The following SLC6A19 variants were observed in gnomAD, a reference collection of about 807,000 sequenced individuals.
SLC6A19 encodes sodium-dependent neutral amino acid transporter B(0)AT1.
Under a neutral mutation model 68.3 loss-of-function variants are expected in SLC6A19, and 67 were observed. The observed-to-expected ratio is 0.98, with a 90% confidence interval of 0.81 to 1.20. SLC6A19 has a LOEUF of 1.20. Among genes scored for constraint, SLC6A19 ranks in the 50% most tolerant of loss-of-function variants. The pLI, the probability that SLC6A19 is intolerant of heterozygous loss-of-function variation, is 0.00. For missense variants in SLC6A19, 813 were observed against 851.6 expected, an observed-to-expected ratio of 0.95 and a Z score of 0.56; for synonymous variants, 392 against 374.9, an observed-to-expected ratio of 1.05 and a Z score of -0.53.
At chr5:1,204,352 G>A (rs768197340) in intron 1 of SLC6A19, among the ~76,000 whole-genome samples, 7 of 152,224 alleles carry the variant, frequency 4.6e-5, no homozygotes, top group Non-Finnish European at 7.3e-5. Flanking sequence ...CACCTGAGCC[G>A]TCTCAAGGGC....
chr5:1,221,074 T>G, intron 10 of SLC6A19, 77 bp from the exon 11 acceptor site: 1 of 1,549,978 alleles, frequency 6.5e-7, no homozygotes, highest in Admixed American at 1.9e-5. Flanking sequence ...TCTGTTCGGG[T>G]AGCAGAACGT....
intron 1 of SLC6A19, among the ~76,000 whole-genome samples, chr5:1,205,479 C>A (rs1745828112): frequency 6.6e-6 from 1 of 152,148 alleles, no homozygotes; most frequent in Admixed American, 6.5e-5. Flanking sequence ...TGAGCCTGAG[C>A]CCCAGGGGTT....
chr5:1,212,169 C>A lies in SLC6A19; in HGVS notation c.482-134C>A. 1 of 1,026,944 alleles carries A rather than the reference C, an allele frequency of 9.7e-7. No individual in the cohort carries two copies. Among genetic ancestry groups the A allele is most frequent in the Non-Finnish European group, 1.5e-6 (1 of 673,848 alleles). 63.6% of individuals were successfully genotyped at this position (1,026,944 alleles called of 1,614,324 possible). A position where few individuals can be genotyped will look rare whatever the true frequency, so the allele number is the denominator to read the frequency against. On this transcript the variant is annotated intron_variant, in intron 3 of 11. Coordinates refer to ENST00000304460, the MANE Select transcript of SLC6A19 (RefSeq NM_001003841.3). This position sits in a 1 kb window ranked among gnomAD's most constrained non-coding sequence, Gnocchi z 5.1. ...GCACGTGAGCATGTGTGCCTGTGTT[C>A]ATGTGCACGTGTGGGCGTGTCACTG...
rs1745712963 is a variant in SLC6A19, at chr5:1,201,829, A to G, written c.179A>G (p.Tyr60Cys). Reference sequence around the variant, plus strand: ...CTCGGCAACGTGTGGCGCTTCCCCTACCTGTGTCAGAGCCACGGAGGAGGT... The same window carrying G: ...CTCGGCAACGTGTGGCGCTTCCCCTGCCTGTGTCAGAGCCACGGAGGAGGT... ...VGLGNVWRFP[Y>C]LCQSHGGGAF... The change falls in exon 1 of 12, where the codon TAC (tyrosine) becomes TGC (cysteine). Residue 60 changes from tyrosine (Y) to cysteine (C), a missense_variant. Coordinates refer to ENST00000304460, the MANE Select transcript of SLC6A19 (RefSeq NM_001003841.3). 1.2e-6 allele frequency: 2 copies of G among 1,611,336 alleles called. No homozygotes were observed. Among genetic ancestry groups the G allele is most frequent in the African/African-American group, 1.3e-5 (1 of 74,864 alleles).
At chr5:1,211,674 A>G (rs1746032306) in intron 3 of SLC6A19, among the ~76,000 whole-genome samples, 1 of 151,626 alleles carries the variant, frequency 6.6e-6, no homozygotes, top group South Asian at 2.1e-4. Context: ...GCACGTGAGC[A>G]TGTGTGCTGT....
chr5:1,204,036 C>T (rs1269908800), intron 1 of SLC6A19, among the ~76,000 whole-genome samples: 3 of 152,146 alleles, frequency 2.0e-5, no homozygotes, highest in African/African-American at 4.8e-5. Context: ...AGACAGCGCA[C>T]TCTCTCTCTG....
rs750676077 is a variant in SLC6A19, at chr5:1,212,279, G to A, written c.482-24G>A. 8.1e-6 allele frequency: 13 copies of A among 1,612,298 alleles called. No homozygotes were observed. The highest frequency in any genetic ancestry group is 1.1e-5 in the Non-Finnish European group (13 of 1,179,894). On this transcript the variant is annotated intron_variant, in intron 3 of 11. Transcript: ENST00000304460. The surrounding 1 kb of genome is among the most constrained non-coding windows in gnomAD (Gnocchi z 5.1). ...TCCCTTGGGGGACCCGTACCCTGAGGTGTGTGAATGGCCCTCTCCCCAGGG... is the reference window on the plus strand; with the variant it reads ...TCCCTTGGGGGACCCGTACCCTGAGATGTGTGAATGGCCCTCTCCCCAGGG...
At chr5:1,221,024 GGC>G in intron 10 of SLC6A19, 125 bp from the exon 11 acceptor site, 1 of 1,193,220 alleles carries the variant, frequency 8.4e-7, no homozygotes. Flanking sequence ...GGAGGGATCG[GGC>G]CCTGGCAAGG....
In SLC6A19 at chr5:1,214,339, C is replaced by T. The variant is rs953593691; in HGVS notation, c.887+274C>T. Among the ~76,000 whole-genome samples the T allele has an allele frequency of 6.6e-6, 1 of 152,154 alleles. No homozygotes were observed. Among genetic ancestry groups the T allele is most frequent in the African/African-American group, 2.4e-5 (1 of 41,446 alleles). The stretch of plus-strand genomic sequence containing the variant: ...TCCACGAGCCTGGTGCAGACCCCTC[C>T]TGTGCTCTCCCCAGTTCCCTGCTCC... On this transcript the variant is annotated intron_variant, in intron 6 of 11. Transcript: ENST00000304460. This position sits in a 1 kb window ranked among gnomAD's most constrained non-coding sequence, Gnocchi z 7.4.
chr5:1,202,128 G>T (rs769515595), intron 1 of SLC6A19, among the ~76,000 whole-genome samples: 2 of 152,210 alleles, frequency 1.3e-5, no homozygotes, highest in African/African-American at 4.8e-5. Context: ...GTCCTGGAAC[G>T]TTCTGGCCTG....
At chr5:1,217,381 C>T (rs1012161846) in intron 8 of SLC6A19, among the ~76,000 whole-genome samples, 9 of 152,238 alleles carry the variant, frequency 5.9e-5, no homozygotes, top group Admixed American at 4.6e-4. Flanking sequence ...ACGCTGATGT[C>T]GAGGATACTC....
intron 3 of SLC6A19, among the ~76,000 whole-genome samples, chr5:1,211,969 GT>G (rs1746048888): frequency 1.1e-5 from 1 of 94,346 alleles, no homozygotes; most frequent in African/African-American, 6.0e-5. Context: ...CTGTGTGCAT[GT>G]GTGTGTGTTG....
Position 1,216,724 on chromosome 5 carries a change from C to T in SLC6A19, c.1016+38C>T, listed in dbSNP as rs72709426. ...CCCACCATCCTGGTGCCTTGGGCTG[C>T]GCCTCCAGGAAGCCTCCCAGCCTCC... is the stretch of plus-strand genomic sequence containing the variant. On this transcript the variant is annotated intron_variant, in intron 7 of 11. Transcript: ENST00000304460. 588 of 1,613,616 alleles carry T rather than the reference C, an allele frequency of 3.6e-4. 2 individuals are homozygous for T. The highest frequency in any genetic ancestry group is 3.2e-3 in the African/African-American group (243 of 75,080).
Position 1,210,554 on chromosome 5 carries a change from G to T in SLC6A19, c.454G>T (p.Asp152Tyr). 3.1e-6 allele frequency: 5 copies of T among 1,613,100 alleles called. No homozygotes were observed. Among genetic ancestry groups the T allele is most frequent in the East Asian group, 4.5e-5 (2 of 44,882 alleles). ...CTTCCAGGAGCCTCTGCCCTGGAGC[G>T]ACTGCCCGCTCAACGAGAACCAGAC... Reference protein sequence around the residue: ...NSFQEPLPWSDCPLNENQTGY... With the variant: ...NSFQEPLPWSYCPLNENQTGY... The change falls in exon 3 of 12, where the codon GAC becomes TAC. Residue 152 changes from aspartate to tyrosine, a missense_variant. Physicochemically the swap from Asp to Tyr is radical, Grantham distance 160. Transcript: ENST00000304460.
rs143099885 is a variant in SLC6A19, at chr5:1,213,557, T to C, written c.758T>C (p.Phe253Ser). 1.2e-5 allele frequency: 20 copies of C among 1,611,742 alleles called. No individual in the cohort carries two copies. The highest frequency in any genetic ancestry group is 1.7e-5 in the Non-Finnish European group (20 of 1,179,508). ...AAGGGCGCCACCAATGGCATCGTCT[T>C]CCTCTTCACGCCCAACGTAAGTCCC... ...TLKGATNGIV[F>S]LFTPNVTELA... The change falls in exon 5 of 12, where the codon TTC becomes TCC. Residue 253 changes from phenylalanine (F) to serine (S), a missense_variant. By Grantham distance (155) the Phe-to-Ser change is radical (BLOSUM62 -2). Transcript: ENST00000304460.
intron 3 of SLC6A19, among the ~76,000 whole-genome samples, chr5:1,211,145 G>A (rs1176668897): frequency 2.6e-5 from 4 of 152,240 alleles, no homozygotes; most frequent in African/African-American, 9.6e-5. Context: ...GACCAGCACA[G>A]CGGGGCCAGC....
Position 1,222,176 on chromosome 5 carries a change from G to T in SLC6A19, c.*272G>T. ...TGTATGTGCATGTGCCATGTGTGCAGATGTGTCATGTTGTGTGTGTGCATG... is the reference window on the plus strand; with the variant it reads ...TGTATGTGCATGTGCCATGTGTGCATATGTGTCATGTTGTGTGTGTGCATG... On this transcript the variant is annotated 3_prime_UTR_variant, in exon 12 of 12. Transcript: ENST00000304460. 3.4e-6 allele frequency: 2 copies of T among 596,886 alleles called. No individual in the cohort carries two copies. Among genetic ancestry groups the T allele is most frequent in the South Asian group, 4.0e-5 (2 of 49,860 alleles). 37.0% of individuals were successfully genotyped at this position (596,886 alleles called of 1,614,324 possible). A position where few individuals can be genotyped will look rare whatever the true frequency, so the allele number is the denominator to read the frequency against.
Position 1,222,371 on chromosome 5 carries a change from A to G in SLC6A19, c.*467A>G. 2.2e-6 allele frequency: 1 copy of G among 464,906 alleles called. No homozygotes were observed. Among genetic ancestry groups the G allele is most frequent in the East Asian group, 3.1e-5 (1 of 32,172 alleles). The allele number at this position is 464,906 out of a possible 1,614,324, so 28.8% of individuals were successfully genotyped here. ...ACATGCATGCACATGTGCTCGTACA[A>G]TGGGTGTCCACATGCACGTGTATAT... On this transcript the variant is annotated 3_prime_UTR_variant, in exon 12 of 12. Coordinates refer to ENST00000304460, the MANE Select transcript of SLC6A19 (RefSeq NM_001003841.3).
At position 1,213,879 on chromosome 5, in the gene SLC6A19, C is replaced by T. The variant is rs187447008; in HGVS notation, c.775-74C>T. On this transcript the variant is annotated intron_variant, in intron 5 of 11. Coordinates refer to ENST00000304460, the MANE Select transcript of SLC6A19 (RefSeq NM_001003841.3). ...AATAGCCTCGACCCTCCCCGCCTCC[C>T]TGGGAGCACACCCTCCCAGGTCCCC... The T allele has an allele frequency of 7.3e-3, 11,559 of 1,574,820 alleles. 63 individuals carry two copies. Among genetic ancestry groups the T allele is most frequent in the South Asian group, 0.015 (1,378 of 90,280 alleles).
Sources: allele counts gnomAD v4.1 joint callset (sites outside exome capture counted in the v4.1 genomes callset), GRCh38; gene constraint gnomAD v4.1.1; non-coding constraint Gnocchi (gnomAD v3.1); transcripts MANE v1.5; gene names NCBI Gene and HGNC (gene_info 2026-07-23, HGNC 2026-07-21).